The following KLHL3 variants were observed in gnomAD, a reference collection of about 807,000 sequenced individuals.
KLHL3 encodes kelch like family member 3, also known as kelch-like protein 3.
A neutral mutation model predicts 70.5 loss-of-function variants in KLHL3; 19 were observed. That is an observed-to-expected ratio of 0.27 (90% CI 0.19 to 0.40). KLHL3 has a LOEUF of 0.40. KLHL3 is among the 10% of genes least tolerant of loss of function. KLHL3 has a pLI of 1.00. For missense variants in KLHL3, 512 were observed against 771.1 expected, an observed-to-expected ratio of 0.66 and a Z score of 3.98; for synonymous variants, 258 against 290.3, an observed-to-expected ratio of 0.89 and a Z score of 1.13.
At chr5:137,688,188 A>G (rs926276820) in intron 5 of KLHL3, among the ~76,000 whole-genome samples, 1 of 7,350 alleles carries the variant, frequency 1.4e-4, no homozygotes, top group Non-Finnish European at 2.5e-4. Flanking sequence ...AAAATAAAAT[A>G]AAATAAAATA....
chr5:137,723,785 G>A (rs1753041914), intron 1 of KLHL3, among the ~76,000 whole-genome samples: 2 of 152,174 alleles, frequency 1.3e-5, no homozygotes, highest in Non-Finnish European at 2.9e-5. Context: ...CTAATGAATA[G>A]TATTGTCATA....
chr5:137,649,151 T>C (rs1322334848), intron 8 of KLHL3, among the ~76,000 whole-genome samples: 1 of 152,328 alleles, frequency 6.6e-6, no homozygotes, highest in Non-Finnish European at 1.5e-5. Context: ...CATTTACTAA[T>C]TGTGCTTTAA....
At chr5:137,685,852 T>C (rs1044824159) in intron 5 of KLHL3, among the ~76,000 whole-genome samples, 1 of 152,214 alleles carries the variant, frequency 6.6e-6, no homozygotes, top group Non-Finnish European at 1.5e-5. Context: ...CTGGAAAGCA[T>C]ACATATACAA....
chr5:137,706,762 T>C (rs1378234879), intron 3 of KLHL3, among the ~76,000 whole-genome samples: 1 of 152,242 alleles, frequency 6.6e-6, no homozygotes, highest in African/African-American at 2.4e-5. Flanking sequence ...TGGAAAGATA[T>C]TCATTATATA....
At chr5:137,688,841 A>G (rs1372043381) in intron 5 of KLHL3, among the ~76,000 whole-genome samples, 1 of 152,226 alleles carries the variant, frequency 6.6e-6, no homozygotes, top group Non-Finnish European at 1.5e-5. Context: ...GAGCTCAATA[A>G]ACACTAGCTA....
intron 3 of KLHL3, chr5:137,706,130 A>G (rs924753337): frequency 1.0e-6 from 1 of 985,342 alleles, no homozygotes; most frequent in Admixed American, 6.1e-5. Flanking sequence ...CCACCTCAGG[A>G]CATTTGGGCA....
At chr5:137,716,062 A>G (rs191903004) in intron 2 of KLHL3, among the ~76,000 whole-genome samples, 2 of 152,218 alleles carry the variant, frequency 1.3e-5, no homozygotes, top group Admixed American at 6.5e-5. Flanking sequence ...TATTTATATG[A>G]GGAACTGGGA....
chr5:137,698,703 A>G (rs903184793), intron 3 of KLHL3, among the ~76,000 whole-genome samples: 6 of 152,232 alleles, frequency 3.9e-5, no homozygotes, highest in Non-Finnish European at 7.3e-5. Flanking sequence ...CATTTACTGT[A>G]AACTTCCATA....
At chr5:137,656,181 G>C (rs978556256) in intron 8 of KLHL3, among the ~76,000 whole-genome samples, 1 of 150,682 alleles carries the variant, frequency 6.6e-6, no homozygotes, top group African/African-American at 2.5e-5. Flanking sequence ...ACCTTTTAAA[G>C]GATACTTGAC....
At chr5:137,642,070 A>G (rs1176080386) in intron 8 of KLHL3, among the ~76,000 whole-genome samples, 1 of 152,212 alleles carries the variant, frequency 6.6e-6, no homozygotes, top group Non-Finnish European at 1.5e-5. Flanking sequence ...CAAACACCAG[A>G]TAATGCCTAA....
intron 2 of KLHL3, among the ~76,000 whole-genome samples, chr5:137,719,902 A>G (rs1247396865): frequency 6.6e-6 from 1 of 152,248 alleles, no homozygotes; most frequent in Non-Finnish European, 1.5e-5. Context: ...TGCTGTAACC[A>G]TAAAGGATTT....
At chr5:137,660,007 C>T (rs1417904982) in intron 7 of KLHL3, among the ~76,000 whole-genome samples, 1 of 152,136 alleles carries the variant, frequency 6.6e-6, no homozygotes, top group Non-Finnish European at 1.5e-5. Flanking sequence ...TCTCCTCCTC[C>T]TCCTCCACCA....
At chr5:137,663,390 C>A (rs1159595281) in intron 6 of KLHL3, among the ~76,000 whole-genome samples, 1 of 151,906 alleles carries the variant, frequency 6.6e-6, no homozygotes, top group Non-Finnish European at 1.5e-5. Context: ...CCCACAGATA[C>A]CAACATCTGC....
chr5:137,629,181 C>T (rs910381288), intron 12 of KLHL3: 1 of 152,148 alleles, frequency 6.6e-6, no homozygotes, highest in African/African-American at 2.4e-5. Context: ...TCCTTTTATA[C>T]AACAAGAAGA....
intron 6 of KLHL3, among the ~76,000 whole-genome samples, chr5:137,663,591 C>A (rs1040141451): frequency 2.0e-5 from 3 of 151,876 alleles, no homozygotes; most frequent in Admixed American, 6.6e-5. Context: ...AATACCCATA[C>A]ATCACTTCAT....
At chr5:137,711,705 A>AT (rs984964167) in intron 2 of KLHL3, among the ~76,000 whole-genome samples, 6 of 151,910 alleles carry the variant, frequency 3.9e-5, no homozygotes, top group Admixed American at 6.6e-5. Flanking sequence ...AGCTCACCCC[A>AT]TTTTTCTCAC....
At chr5:137,685,523 G>A (rs924015260) in intron 5 of KLHL3, among the ~76,000 whole-genome samples, 4 of 152,244 alleles carry the variant, frequency 2.6e-5, no homozygotes, top group African/African-American at 7.2e-5. Context: ...GACAGGCTGG[G>A]AGAAGACTGG....
intron 8 of KLHL3, among the ~76,000 whole-genome samples, chr5:137,647,351 C>T (rs1208680401): frequency 6.6e-6 from 1 of 152,106 alleles, no homozygotes; most frequent in Admixed American, 6.6e-5. Flanking sequence ...CCATTAGGTG[C>T]CAGGGACTAG....
At chr5:137,655,255 G>A (rs546580276) in intron 8 of KLHL3, among the ~76,000 whole-genome samples, 1 of 152,308 alleles carries the variant, frequency 6.6e-6, no homozygotes, top group East Asian at 1.9e-4. Context: ...GCAGCTTGTG[G>A]AAATTTAGAT....
Sources: gnomAD v4.1 joint callset for allele counts (sites outside exome capture counted in the v4.1 genomes callset) on GRCh38, gnomAD v4.1.1 for gene constraint, MANE v1.5 for transcripts, NCBI Gene and HGNC (gene_info 2026-07-23, HGNC 2026-07-21) for gene names.